WDSUB1: variants seen among roughly 807,000 people sequenced by gnomAD.
WDSUB1 encodes WD repeat, sterile alpha motif and U-box domain containing 1.
A neutral mutation model predicts 53.9 loss-of-function variants in WDSUB1; 49 were observed. The ratio of observed to expected loss-of-function variants is 0.91; its 90% confidence interval spans 0.72 to 1.15. The LOEUF (loss-of-function observed/expected upper bound fraction) is 1.15, where lower values mean the gene tolerates loss of function less well. Ranked by LOEUF, WDSUB1 falls within the 50% of genes most tolerant of loss-of-function variation. WDSUB1 has a pLI of 0.00. For synonymous variants in WDSUB1, 194 were observed against 200.6 expected (o/e 0.97, Z 0.28); for missense variants, 514 against 562.0 (o/e 0.91, Z 0.86).
chr2:159,248,119 T>G (rs1049795765), intron 10 of WDSUB1, among the ~76,000 whole-genome samples: 1 of 151,372 alleles, frequency 6.6e-6, no homozygotes, highest in African/African-American at 2.4e-5. Context: ...GTATTTTATC[T>G]TTACATCCTA....
intron 10 of WDSUB1, among the ~76,000 whole-genome samples, chr2:159,247,886 AATATAT>A (rs373694392): frequency 4.7e-4 from 30 of 63,778 alleles, no homozygotes; most frequent in South Asian, 2.9e-3. Context: ...AAATTAAATA[AATATAT>A]ATATATATAT....
rs1242070552 is a variant in WDSUB1, at chr2:159,282,687, G to A, written c.383C>T (p.Ser128Leu). 1 of 1,611,498 alleles carries A rather than the reference G, an allele frequency of 6.2e-7. No homozygotes were observed. The highest frequency in any genetic ancestry group is 1.7e-5 in the Admixed American group (1 of 59,964). Residue 128 changes from serine to leucine, a missense_variant, in exon 2 of 11, where the codon TCA (serine) becomes TTA (leucine). Ser to Leu is a moderately radical substitution (Grantham distance 145). Coordinates refer to ENST00000359774, the MANE Select transcript of WDSUB1 (RefSeq NM_001128212.3). ...ATATCCATACCTATATAATTTGTATGACTGTGCATTCCACAAAACCACAGT... is the reference window on the plus strand; with the variant it reads ...ATATCCATACCTATATAATTTGTATAACTGTGCATTCCACAAAACCACAGT... The part of the protein sequence containing the change: ...DGTVVLWNAQ[S>L]YKLYRCGSVK...
intron 9 of WDSUB1, among the ~76,000 whole-genome samples, chr2:159,252,338 T>G (rs1190946688): frequency 6.6e-6 from 1 of 152,042 alleles, no homozygotes; most frequent in East Asian, 1.9e-4. Flanking sequence ...GCATGGACAT[T>G]TCCAACAAAA....
intron 1 of WDSUB1, among the ~76,000 whole-genome samples, chr2:159,285,133 A>G (rs2061759626): frequency 6.6e-6 from 1 of 152,216 alleles, no homozygotes; most frequent in East Asian, 1.9e-4. Context: ...TATCCACACC[A>G]TGTAAAACTG....
rs551300773 is a variant in WDSUB1 at position 159,242,089 on chromosome 2, C to T, written c.1274-5899G>A. ...ATTTAGAGATGGAGTCTCGCTCTGT[C>T]GCCCAGGCTGGAGTGCAGTGGCACG... On this transcript the variant is annotated intron_variant, in intron 10 of 10. Transcript: ENST00000359774. 1.9e-4 allele frequency among the ~76,000 whole-genome samples: 28 copies of T among 146,290 alleles called. 2 individuals are homozygous for T. Among genetic ancestry groups the T allele is most frequent in the South Asian group, 1.5e-3 (7 of 4,596 alleles).
intron 9 of WDSUB1, among the ~76,000 whole-genome samples, chr2:159,255,292 C>T (rs2061037727): frequency 6.6e-6 from 1 of 151,914 alleles, no homozygotes; most frequent in African/African-American, 2.4e-5. Flanking sequence ...ATGGTGAAAC[C>T]CTGTCTTTAC....
At chr2:159,252,427 G>A (rs1036802938) in intron 9 of WDSUB1, among the ~76,000 whole-genome samples, 10 of 152,200 alleles carry the variant, frequency 6.6e-5, no homozygotes, top group Non-Finnish European at 1.5e-4. Flanking sequence ...AAGACCTGTG[G>A]TTGGCATCTG....
chr2:159,270,297 G>C (rs957761104), intron 5 of WDSUB1, among the ~76,000 whole-genome samples: 1 of 152,148 alleles, frequency 6.6e-6, no homozygotes, highest in African/African-American at 2.4e-5. Flanking sequence ...ATATCATAAA[G>C]ATGTCAATTC....
At chr2:159,247,492 A>C (rs2060825761) in intron 10 of WDSUB1, among the ~76,000 whole-genome samples, 1 of 152,198 alleles carries the variant, frequency 6.6e-6, no homozygotes, top group African/African-American at 2.4e-5. Flanking sequence ...AATGATCACA[A>C]AACTGGAAAA....
intron 5 of WDSUB1, among the ~76,000 whole-genome samples, 193 bp from the exon 6 acceptor site, chr2:159,260,036 G>C (rs1559545497): frequency 6.6e-6 from 1 of 152,218 alleles, no homozygotes; most frequent in African/African-American, 2.4e-5. Context: ...AGGCGCAGCG[G>C]CTCACGCCTG....
At chr2:159,242,170 C>T (rs2060670094) in intron 10 of WDSUB1, among the ~76,000 whole-genome samples, 1 of 147,064 alleles carries the variant, frequency 6.8e-6, no homozygotes, top group Non-Finnish European at 1.5e-5. Context: ...CCTGCCTCAG[C>T]CTCCCAAGCA....
chr2:159,272,583 A>T (rs1179717057), intron 4 of WDSUB1, among the ~76,000 whole-genome samples: 1 of 152,214 alleles, frequency 6.6e-6, no homozygotes, highest in Admixed American at 6.5e-5. Context: ...GGGTAATTTC[A>T]TAACTACCAA....
At position 159,275,613 on chromosome 2, in the gene WDSUB1, A is replaced by C. The variant is rs762649533; in HGVS notation, c.609T>G (p.Phe203Leu). The C allele has an allele frequency of 5.6e-6, 9 of 1,605,718 alleles. No homozygotes were observed. Among genetic ancestry groups the C allele is most frequent in the Middle Eastern group, 1.7e-4 (1 of 6,052 alleles). ...AATCCTGACCACATGATGCCAGTCG[A>C]AAAAACTGAAGACCTTGTTCTCCAT... is the stretch of plus-strand genomic sequence containing the variant. ...VSDGEQGLQFFRLASCGQDCQ... is the reference protein window; with the variant it reads ...VSDGEQGLQFLRLASCGQDCQ... The change falls in exon 4 of 11, where the codon TTT (phenylalanine) becomes TTG (leucine). Residue 203 changes from phenylalanine (F) to leucine (L), a missense_variant. By Grantham distance (22) the Phe-to-Leu change is conservative (BLOSUM62 0). Transcript: ENST00000359774.
At chr2:159,237,310 C>A (rs747599735) in intron 10 of WDSUB1, among the ~76,000 whole-genome samples, 134 of 152,238 alleles carry the variant, frequency 8.8e-4, no homozygotes, top group Admixed American at 2.4e-3. Flanking sequence ...CACTTGAGGT[C>A]AGGTGTTTGA....
chr2:159,246,214 C>T (rs7573806), intron 10 of WDSUB1, among the ~76,000 whole-genome samples: 63,892 of 151,914 alleles, frequency 0.42, 14,723 homozygotes, highest in Non-Finnish European at 0.54. Flanking sequence ...AGGTGGATCA[C>T]GAGGTCAGGA....
intron 9 of WDSUB1, among the ~76,000 whole-genome samples, chr2:159,254,695 T>C (rs1474654981): frequency 1.6e-4 from 25 of 152,270 alleles, no homozygotes; most frequent in Admixed American, 1.6e-3. Flanking sequence ...GAAGTAATTC[T>C]ACTTGATAAG....
At chr2:159,260,302 C>A (rs1430090054) in intron 5 of WDSUB1, among the ~76,000 whole-genome samples, 4 of 150,394 alleles carry the variant, frequency 2.7e-5, no homozygotes, top group African/African-American at 9.9e-5. Flanking sequence ...GAGACTCTAT[C>A]TCAAAAAAAA....
chr2:159,256,177 T>C lies in WDSUB1; in HGVS notation c.1132+19A>G. 1 of 1,574,284 alleles carries C rather than the reference T, an allele frequency of 6.4e-7. No individual in the cohort carries two copies. The highest frequency in any genetic ancestry group is 1.2e-5 in the South Asian group (1 of 83,994). The stretch of plus-strand genomic sequence containing the variant: ...GGTAAAAGTTGTTTTGAAGATTGCC[T>C]ATCTTTCACTAAGCTTACCAATTTT... On this transcript the variant is annotated intron_variant, in intron 9 of 10. Coordinates refer to ENST00000359774, the MANE Select transcript of WDSUB1 (RefSeq NM_001128212.3).
intron 10 of WDSUB1, among the ~76,000 whole-genome samples, chr2:159,247,154 A>C (rs921571064): frequency 2.0e-5 from 3 of 152,250 alleles, no homozygotes; most frequent in African/African-American, 7.2e-5. Flanking sequence ...TACTCATAGC[A>C]AATTTCATAG....
Sources: allele counts gnomAD v4.1 joint callset (sites outside exome capture counted in the v4.1 genomes callset), GRCh38; gene constraint gnomAD v4.1.1; transcripts MANE v1.5; gene names NCBI Gene and HGNC (gene_info 2026-07-23, HGNC 2026-07-21).